The following SLCO4A1 variants were observed in gnomAD, a reference collection of about 807,000 sequenced individuals.
SLCO4A1 encodes the protein colon organic anion transporter.
SLCO4A1 carries 51 observed loss-of-function variants against 64.6 expected under a neutral mutation model. The ratio of observed to expected loss-of-function variants is 0.79; its 90% confidence interval spans 0.63 to 1.00. SLCO4A1 has a LOEUF of 1.00. SLCO4A1 is among the 50% of genes least tolerant of loss of function. The pLI is 0.00. For synonymous variants in SLCO4A1, 471 were observed against 444.9 expected, an observed-to-expected ratio of 1.06 and a Z score of -0.74; for missense variants, 919 against 980.5, an observed-to-expected ratio of 0.94 and a Z score of 0.84.
At chr20:62,689,696 C>T (rs935908187), downstream of SLCO4A1, among the ~76,000 whole-genome samples, 7 of 152,230 alleles carry the variant, frequency 4.6e-5, no homozygotes, top group Non-Finnish European at 1.0e-4. Flanking sequence ...CCAGACCCTC[C>T]GGAAGGCGAC....
Position 62,672,216 on chromosome 20 carries a change from G to A in SLCO4A1, c.*323G>A. 7.9e-7 allele frequency: 1 copy of A among 1,269,758 alleles called. No homozygotes were observed. The highest frequency in any genetic ancestry group is 1.0e-6 in the Non-Finnish European group (1 of 999,142). 78.7% of individuals were successfully genotyped at this position (1,269,758 alleles called of 1,614,324 possible). Reference sequence around the variant, plus strand: ...TGTGAATCCCACTGGGAGGGCGGTGGGCCTGCAGCCTGAGGAAGGCTTGTG... The same window carrying A: ...TGTGAATCCCACTGGGAGGGCGGTGAGCCTGCAGCCTGAGGAAGGCTTGTG... On this transcript the variant is annotated 3_prime_UTR_variant, in exon 12 of 12. Coordinates refer to ENST00000217159, the MANE Select transcript of SLCO4A1 (RefSeq NM_016354.4).
intron 7 of SLCO4A1, chr20:62,666,843 C>G: frequency 2.2e-6 from 1 of 448,374 alleles, no homozygotes; most frequent in Non-Finnish European, 4.0e-6. Context: ...GCACTCTGCT[C>G]TGTAGCTGTG....
At position 62,644,497 on chromosome 20, in the gene SLCO4A1, G is replaced by A. The variant is rs756003800; in HGVS notation, c.-97+1944G>A. 6.6e-5 allele frequency among the ~76,000 whole-genome samples: 10 copies of A among 152,234 alleles called. No individual in the cohort carries two copies. Among genetic ancestry groups the A allele is most frequent in the Non-Finnish European group, 1.3e-4 (9 of 68,034 alleles). On this transcript the variant is annotated intron_variant, in intron 1 of 11. Coordinates refer to ENST00000217159, the MANE Select transcript of SLCO4A1 (RefSeq NM_016354.4). The surrounding 1 kb of genome is among the most constrained non-coding windows in gnomAD (Gnocchi z 5.4). Reference sequence around the variant, plus strand: ...GGCTGGGCCAGGTGAAGGGTGGCCAGGTGGATGGACATGCTCTCCTTGCTA... The same window carrying A: ...GGCTGGGCCAGGTGAAGGGTGGCCAAGTGGATGGACATGCTCTCCTTGCTA...
chr20:62,676,642 G>A (rs146985493), downstream of SLCO4A1, among the ~76,000 whole-genome samples: 16 of 152,272 alleles, frequency 1.1e-4, no homozygotes, highest in East Asian at 3.9e-4. Flanking sequence ...ACCAGAAAAC[G>A]ACACGTCGTG....
intron 1 of SLCO4A1, among the ~76,000 whole-genome samples, chr20:62,653,649 C>T (rs1983055594): frequency 6.6e-6 from 1 of 152,238 alleles, no homozygotes; most frequent in African/African-American, 2.4e-5. Flanking sequence ...TCTAACTCTG[C>T]CTCAACCCCA....
intron 2 of SLCO4A1, among the ~76,000 whole-genome samples, chr20:62,657,875 G>A (rs961354313): frequency 6.6e-6 from 1 of 152,264 alleles, no homozygotes; most frequent in African/African-American, 2.4e-5. Flanking sequence ...GCTCATGGCT[G>A]CTTCACAGCT....
chr20:62,668,328 C>G lies in SLCO4A1; in HGVS notation c.1811+144C>G, dbSNP rs755556940. ...CTGTCACTGGTGGCAGGAGAGACCT[C>G]ACTGTCTCTGATCTCTGACGAGGGG... is the stretch of plus-strand genomic sequence containing the variant. On this transcript the variant is annotated intron_variant, in intron 9 of 11. Transcript: ENST00000217159. The G allele has an allele frequency of 5.7e-6, 7 of 1,238,540 alleles. No homozygotes were observed. In the African/African-American group the frequency reaches 1.0e-4, roughly 18 times the overall value. 76.7% of individuals were successfully genotyped at this position (1,238,540 alleles called of 1,614,324 possible).
rs370648052 is a variant in SLCO4A1, at chr20:62,656,713, G to A, written c.259G>A (p.Gly87Ser). Residue 87 changes from glycine (G) to serine (S), a missense_variant, in exon 2 of 12, where the codon GGC (glycine) becomes AGC (serine). Transcript: ENST00000217159. ...YVSAGQSVAC[G>S]WWAFAPPCLQ... Reference sequence around the variant, plus strand: ...CTCGGCCGGGCAGAGCGTGGCGTGCGGCTGGTGGGCCTTCGCACCGCCGTG... The same window carrying A: ...CTCGGCCGGGCAGAGCGTGGCGTGCAGCTGGTGGGCCTTCGCACCGCCGTG... 31 of 1,610,624 alleles carry A rather than the reference G, an allele frequency of 1.9e-5. No homozygotes were observed. Among genetic ancestry groups the A allele is most frequent in the East Asian group, 1.3e-4 (6 of 44,800 alleles).
chr20:62,675,955 T>C (rs1198136746), downstream of SLCO4A1, among the ~76,000 whole-genome samples: 1 of 152,002 alleles, frequency 6.6e-6, no homozygotes, highest in Non-Finnish European at 1.5e-5. Flanking sequence ...GCCCACTTGG[T>C]TTTCCCTCGA....
intron 2 of SLCO4A1, among the ~76,000 whole-genome samples, chr20:62,678,561 T>A (rs1306771761): frequency 6.6e-6 from 1 of 150,632 alleles, no homozygotes; most frequent in Non-Finnish European, 1.5e-5. Context: ...AGACCGGGTG[T>A]TGCTCTGTCA....
At chr20:62,681,484 CTG>C (rs1260272685) in intron 2 of SLCO4A1, among the ~76,000 whole-genome samples, 1 of 137,004 alleles carries the variant, frequency 7.3e-6, no homozygotes, top group South Asian at 2.4e-4. Flanking sequence ...GTGTGTTAAG[CTG>C]TGTGTACACA....
At chr20:62,690,205 T>G (rs1434507372), downstream of SLCO4A1, among the ~76,000 whole-genome samples, 1 of 152,204 alleles carries the variant, frequency 6.6e-6, no homozygotes, top group African/African-American at 2.4e-5. Context: ...GTAAACCTCC[T>G]GCCCCTGACC....
chr20:62,687,133 C>T (rs1184695179), downstream of SLCO4A1, among the ~76,000 whole-genome samples: 5 of 149,324 alleles, frequency 3.3e-5, no homozygotes, highest in South Asian at 4.2e-4. Flanking sequence ...CAAACAGGCA[C>T]GATGGGTGGG....
In SLCO4A1 at chr20:62,656,682, G is replaced by A; in HGVS notation, c.228G>A (p.Arg76=). 1.9e-6 allele frequency: 3 copies of A among 1,608,446 alleles called. No individual in the cohort carries two copies. Among genetic ancestry groups the A allele is most frequent in the Non-Finnish European group, 2.5e-6 (3 of 1,178,000 alleles). ...KHGARGTHEV[R]YVSAGQSVAC... is the part of the protein sequence containing the mutation. The stretch of plus-strand genomic sequence containing the variant: ...GCGCCCGGGGGACCCATGAGGTGCG[G>A]TACGTCTCGGCCGGGCAGAGCGTGG... The change falls in exon 2 of 12, where the codon CGG becomes CGA. Residue 76 remains arginine (R), a synonymous_variant. Transcript: ENST00000217159.
chr20:62,683,369 G>A (rs1987920799), intron 2 of SLCO4A1, among the ~76,000 whole-genome samples: 1 of 152,142 alleles, frequency 6.6e-6, no homozygotes, highest in African/African-American at 2.4e-5. Flanking sequence ...AGGTGGCGAG[G>A]ACGGGCTTTT....
intron 2 of SLCO4A1, among the ~76,000 whole-genome samples, chr20:62,681,833 A>G (rs113651045): frequency 9.1e-4 from 138 of 152,318 alleles, no homozygotes; most frequent in African/African-American, 3.2e-3. Context: ...TGAAAAAAAA[A>G]TCCGTTTCTT....
intron 1 of SLCO4A1, chr20:62,643,150 A>G (rs8117720): frequency 2.6e-6 from 1 of 378,832 alleles, no homozygotes; most frequent in East Asian, 1.1e-4. Flanking sequence ...GCACAGGGCT[A>G]GTTTCCAGCA....
chr20:62,664,428 A>G (rs933248124), intron 5 of SLCO4A1, among the ~76,000 whole-genome samples: 18 of 152,134 alleles, frequency 1.2e-4, no homozygotes, highest in Admixed American at 3.3e-4. Flanking sequence ...CCATTCCCCT[A>G]TCCCAGGGCC....
At chr20:62,653,065 C>T (rs1163737455) in intron 1 of SLCO4A1, among the ~76,000 whole-genome samples, 1 of 152,238 alleles carries the variant, frequency 6.6e-6, no homozygotes, top group Non-Finnish European at 1.5e-5. Context: ...GTGCCTGGTA[C>T]ACAGCTGGTG....
Sources: allele counts gnomAD v4.1 joint callset (sites outside exome capture counted in the v4.1 genomes callset), GRCh38; gene constraint gnomAD v4.1.1; non-coding constraint Gnocchi (gnomAD v3.1); transcripts MANE v1.5; gene names NCBI Gene and HGNC (gene_info 2026-07-23, HGNC 2026-07-21).